Variants in L1CAM observed in about 807,000 individuals in gnomAD.
The protein encoded by L1CAM is neural cell adhesion molecule L1.
L1CAM carries 8 observed loss-of-function variants against 93.0 expected under a neutral mutation model. The observed-to-expected ratio is 0.09, with a 90% CI of 0.05 to 0.16. The LOEUF (loss-of-function observed/expected upper bound fraction) is 0.16, where lower values mean the gene tolerates loss of function less well. Ranked by LOEUF, L1CAM falls within the 10% of genes least tolerant of loss-of-function variation. L1CAM has a pLI of 1.00. For missense variants in L1CAM, 777 were observed against 1,073.4 expected, an observed-to-expected ratio of 0.72 and a Z score of 3.86; for synonymous variants, 453 against 453.0, an observed-to-expected ratio of 1.00 and a Z score of 0.00.
chrX:153,872,958 A>T (rs2064785865), intron 3 of L1CAM: 1 of 451,028 alleles, frequency 2.2e-6, no homozygotes, highest in South Asian at 3.3e-5. Flanking sequence ...AACAAAAGCC[A>T]AGACACAGAA....
intron 28 of L1CAM, 90 bp downstream of exon 28, chrX:153,863,278 C>T (rs1372092793): frequency 3.9e-6 from 4 of 1,023,414 alleles, no homozygotes; most frequent in Admixed American, 2.4e-5. Context: ...CCTGTCAGAG[C>T]CCCGGCAGCC....
At position 153,868,885 on chromosome X, in the gene L1CAM, G is replaced by A. The variant is rs1603275513; in HGVS notation, c.1335C>T (p.Tyr445=). ...GCGCTCCGAAGGCCTTGCACAGAAG[G>A]TAGGCAGTGCTGCCCTGGACAGCCA... ...TYMAVQGSTA[Y]LLCKAFGAPV... is the part of the protein sequence containing the mutation. Residue 445 remains tyrosine (Y), a synonymous_variant, in exon 12 of 29, where the codon TAC becomes TAT. Coordinates refer to ENST00000370060, the MANE Select transcript of L1CAM (RefSeq NM_001278116.2). 3.3e-6 allele frequency: 4 copies of A among 1,211,679 alleles called. No homozygotes were observed.
intron 1 of L1CAM, among the ~76,000 whole-genome samples, chrX:153,877,780 T>C (rs1200001230): frequency 2.7e-5 from 3 of 112,310 alleles, no homozygotes; most frequent in Admixed American, 9.4e-5. Context: ...ATGCTCCAGG[T>C]TAGGGTCAGG....
intron 26 of L1CAM, 36 bp from the exon 27 acceptor site, chrX:153,863,585 C>T (rs1187033210): frequency 4.4e-6 from 5 of 1,138,374 alleles, no homozygotes; most frequent in Non-Finnish European, 4.8e-6. Context: ...CTTCTCCCGC[C>T]CCAGCCTGAC....
At position 153,875,984 on chromosome X, in the gene L1CAM, G is replaced by C. The variant is rs1339893038; in HGVS notation, c.-108-40C>G. 1.2e-5 allele frequency: 6 copies of C among 515,896 alleles called. No homozygotes were observed. The East Asian group carries it at 2.2e-4, about 19-fold the overall frequency. 42.5% of individuals were successfully genotyped at this position (515,896 alleles called of 1,213,427 possible). On this transcript the variant is annotated intron_variant, in intron 1 of 28. Coordinates refer to ENST00000370060, the MANE Select transcript of L1CAM (RefSeq NM_001278116.2). ...AAGGGAAGGGAAGGGTGGGGGAAGA[G>C]AGACGAGAGAACGGAAGGACGTTAG...
chrX:153,868,213 A>G, intron 14 of L1CAM, 89 bp downstream of exon 14: 1 of 1,197,962 alleles, frequency 8.3e-7, no homozygotes, highest in East Asian at 3.0e-5. Flanking sequence ...CTCCTGTCAG[A>G]GCCTTCCCCA....
At position 153,872,572 on chromosome X, in the gene L1CAM, A is replaced by G; in HGVS notation, c.197+20T>C. The G allele has an allele frequency of 8.7e-7, 1 of 1,148,284 alleles. No individual in the cohort carries two copies. Among genetic ancestry groups the G allele is most frequent in the Non-Finnish European group, 1.2e-6 (1 of 837,805 alleles). 94.6% of individuals were successfully genotyped at this position (1,148,284 alleles called of 1,213,427 possible). Reference sequence around the variant, plus strand: ...GGTCAGTGGCAGGCAACAGGGGCTGAGACGGCAGAGATCACTCACTGCACT... The same window carrying G: ...GGTCAGTGGCAGGCAACAGGGGCTGGGACGGCAGAGATCACTCACTGCACT... On this transcript the variant is annotated intron_variant, in intron 4 of 28. Transcript: ENST00000370060.
At chrX:153,878,222 A>T (rs1557095062) in intron 1 of L1CAM, among the ~76,000 whole-genome samples, 1 of 112,810 alleles carries the variant, frequency 8.9e-6, no homozygotes, top group African/African-American at 3.2e-5. Context: ...CTCAGCAGGA[A>T]CACCGAAAGG....
intron 1 of L1CAM, 100 bp downstream of exon 1, chrX:153,885,965 C>CGGGG (rs1557096931): frequency 6.7e-6 from 4 of 597,823 alleles, no homozygotes; most frequent in Non-Finnish European, 7.5e-6. Context: ...CCGGACCGGG[C>CGGGG]CGGGACTCCC....
intron 1 of L1CAM, among the ~76,000 whole-genome samples, chrX:153,883,457 G>A (rs1287946448): frequency 9.0e-6 from 1 of 111,283 alleles, no homozygotes; most frequent in Non-Finnish European, 1.9e-5. Flanking sequence ...GGGGAAGCAG[G>A]AGAAGGAGGT....
chrX:153,866,736 C>G lies in L1CAM; in HGVS notation c.2344G>C (p.Val782Leu), dbSNP rs200385894. The change falls in exon 19 of 29, where the codon GTG becomes CTG. Residue 782 changes from valine (V) to leucine (L), a missense_variant. Physicochemically the swap from Val to Leu is conservative, Grantham distance 32. This residue lies in a region of L1CAM where 574 missense variants were observed against 781.0 expected (regional missense o/e 0.73). Transcript: ENST00000370060. ...FLVVSNTSTF[V>L]PYEIKVQAVN... ...GCCTGGACTTTGATCTCATAGGGCACGAAGGTGGACGTGTTGGACACCACC... is the reference window on the plus strand; with the variant it reads ...GCCTGGACTTTGATCTCATAGGGCAGGAAGGTGGACGTGTTGGACACCACC... 2 of 1,211,062 alleles carry G rather than the reference C, an allele frequency of 1.7e-6. No homozygotes were observed. The highest frequency in any genetic ancestry group is 2.2e-6 in the Non-Finnish European group (2 of 895,114).
intron 11 of L1CAM, chrX:153,869,302 G>A (rs2064745092): frequency 4.1e-6 from 2 of 484,313 alleles, no homozygotes; most frequent in African/African-American, 2.3e-5. Flanking sequence ...ACAGCGGTCC[G>A]CTCAGTCACA....
chrX:153,875,550 G>A (rs2064806481), intron 2 of L1CAM: 1 of 509,510 alleles, frequency 2.0e-6, no homozygotes, highest in South Asian at 2.5e-5. Flanking sequence ...GCCTGTCCCT[G>A]TCCATGGTCC....
In L1CAM at chrX:153,870,159, G is replaced by A. The variant is rs1557092580; in HGVS notation, c.888C>T (p.Thr296=). The A allele has an allele frequency of 1.7e-6, 2 of 1,211,886 alleles. No individual in the cohort carries two copies. Among genetic ancestry groups the A allele is most frequent in the Admixed American group, 2.2e-5 (1 of 46,128 alleles). ...DRVTYQNHNK[T]LQLLKVGEED... ...CCTCGCCCACTTTCAGCAGCTGCAG[G>A]GTCTTGTTGTGGTTCTGGTAGGTGA... Residue 296 remains threonine (T), a synonymous_variant, in exon 9 of 29, where the codon ACC becomes ACT. Transcript: ENST00000370060.
chrX:153,870,687 G>A (rs1477179604), intron 7 of L1CAM, 103 bp downstream of exon 7: 12 of 939,158 alleles, frequency 1.3e-5, no homozygotes, highest in Non-Finnish European at 1.8e-5. Context: ...GAGCCAAGCT[G>A]TTCTTGAGGA....
At chrX:153,885,814 A>G (rs1244169015) in intron 1 of L1CAM, 3 of 697,585 alleles carry the variant, frequency 4.3e-6, no homozygotes, top group Non-Finnish European at 4.9e-6. Flanking sequence ...CCAGGCCAGC[A>G]TCTGGGGCCC....
At position 153,864,982 on chromosome X, in the gene L1CAM, C is replaced by A. The variant is rs1361339376; in HGVS notation, c.2885G>T (p.Gly962Val). The change falls in exon 23 of 29, where the codon GGC (glycine) becomes GTC (valine). Residue 962 changes from glycine to valine, a missense_variant. Physicochemically the swap from Gly to Val is moderately radical, Grantham distance 109. This residue lies in a region of L1CAM where 71 missense variants were observed against 77.4 expected (regional missense o/e 0.92). Coordinates refer to ENST00000370060, the MANE Select transcript of L1CAM (RefSeq NM_001278116.2). ...AAGGTTGAAGGACAGTTGCCCCTTG[C>A]CCCCCTCATCCACTGTGGGGACAGA... is the stretch of plus-strand genomic sequence containing the variant. ...VLSYHPLDEG[G>V]KGQLSFNLRD... The A allele has an allele frequency of 1.7e-6, 2 of 1,211,172 alleles. No homozygotes were observed. Among genetic ancestry groups the A allele is most frequent in the Non-Finnish European group, 2.2e-6 (2 of 895,349 alleles).
intron 20 of L1CAM, 30 bp downstream of exon 20, chrX:153,865,674 C>T: frequency 9.1e-7 from 1 of 1,103,907 alleles, no homozygotes; most frequent in Non-Finnish European, 1.3e-6. Context: ...AGTGATCACC[C>T]TCCTGGGCCC....
At chrX:153,867,669 A>G (rs1161128119) in intron 16 of L1CAM, 116 bp from the exon 17 acceptor site, 3 of 959,052 alleles carry the variant, frequency 3.1e-6, no homozygotes, top group Non-Finnish European at 4.5e-6. Context: ...GCATCTCCAG[A>G]TTCCCATGAG....
Sources: allele counts gnomAD v4.1 joint callset (sites outside exome capture counted in the v4.1 genomes callset), GRCh38; gene constraint gnomAD v4.1.1; regional missense constraint gnomAD v4.1.1; transcripts MANE v1.5; gene names NCBI Gene and HGNC (gene_info 2026-07-23, HGNC 2026-07-21).